The following PDE1C variants were observed in gnomAD, a reference collection of about 807,000 sequenced individuals.
PDE1C encodes phosphodiesterase 1C.
A neutral mutation model predicts 93.1 loss-of-function variants in PDE1C; 62 were observed. The ratio of observed to expected loss-of-function variants is 0.67; its 90% CI spans 0.54 to 0.82. PDE1C has a LOEUF of 0.82. PDE1C is among the 40% of genes least tolerant of loss of function. The probability of loss-of-function intolerance (pLI) is 0.00; values close to 1 mark genes in which losing one functional copy is unlikely to be tolerated. For missense variants in PDE1C, 742 were observed against 884.6 expected (o/e 0.84, Z 2.04); for synonymous variants, 325 against 310.1 (o/e 1.05, Z -0.50).
At chr7:32,195,174 G>A (rs562189514) in intron 2 of PDE1C, among the ~76,000 whole-genome samples, 2 of 152,258 alleles carry the variant, frequency 1.3e-5, no homozygotes, top group Non-Finnish European at 2.9e-5. Flanking sequence ...AACTCAAGAG[G>A]AGAAGGAAAC....
At chr7:31,643,156 T>C in the PDE1C span, 8 of 1,613,580 alleles carry the variant, frequency 5.0e-6, no homozygotes, top group Non-Finnish European at 6.8e-6. Flanking sequence ...CCACAATGAG[T>C]CTCAAAGGTC....
chr7:31,777,071 A>G (rs1369264469), intron 16 of PDE1C, among the ~76,000 whole-genome samples: 1 of 151,922 alleles, frequency 6.6e-6, no homozygotes, highest in Non-Finnish European at 1.5e-5. Context: ...TAGCACACCA[A>G]CATGGCACAT....
chr7:32,061,874 A>T (rs73098654), intron 1 of PDE1C, among the ~76,000 whole-genome samples: 3,421 of 152,316 alleles, frequency 0.022, 58 homozygotes, highest in Middle Eastern at 0.031. Flanking sequence ...ACCTTCCTTC[A>T]GACTATTTAG....
At chr7:32,240,451 TC>T (rs1348242768) in intron 1 of PDE1C, among the ~76,000 whole-genome samples, 9 of 152,154 alleles carry the variant, frequency 5.9e-5, no homozygotes, top group African/African-American at 1.9e-4. Context: ...ATTTAATATG[TC>T]AGATGGTGTT....
At chr7:32,125,739 G>A (rs1584810108) in intron 3 of PDE1C, among the ~76,000 whole-genome samples, 1 of 151,820 alleles carries the variant, frequency 6.6e-6, no homozygotes. Flanking sequence ...GCGAGGGGAG[G>A]GAACTTAGAG....
At chr7:31,766,751 C>T (rs1229144497) in intron 17 of PDE1C, among the ~76,000 whole-genome samples, 7 of 152,154 alleles carry the variant, frequency 4.6e-5, no homozygotes, top group Non-Finnish European at 7.3e-5. Context: ...TTTACTTGCT[C>T]GACATTATGC....
At chr7:32,398,292 G>C (rs1309363914) in intron 1 of PDE1C, among the ~76,000 whole-genome samples, 1 of 120,570 alleles carries the variant, frequency 8.3e-6, no homozygotes, top group African/African-American at 3.2e-5. Flanking sequence ...GACAGGGCGA[G>C]ACTCCGTCTC....
At chr7:31,956,574 A>G (rs957837801) in intron 2 of PDE1C, among the ~76,000 whole-genome samples, 47 of 151,984 alleles carry the variant, frequency 3.1e-4, no homozygotes, top group African/African-American at 1.1e-3. Flanking sequence ...CAGTAAGAAA[A>G]AAGCCTTCTT....
intron 7 of PDE1C, 114 bp from the exon 8 acceptor site, chr7:31,850,855 C>A: frequency 1.4e-6 from 1 of 734,900 alleles, no homozygotes; most frequent in Non-Finnish European, 2.5e-6. Flanking sequence ...AAGCTATTGC[C>A]AAACACAAGT....
At chr7:32,070,190 A>T in intron 1 of PDE1C, 103 bp downstream of exon 1, 1 of 1,561,054 alleles carries the variant, frequency 6.4e-7, no homozygotes, top group Non-Finnish European at 8.7e-7. Context: ...GTTGTATTTA[A>T]AGGCCCATGC....
chr7:32,406,659 G>A (rs1377999685), intron 1 of PDE1C, among the ~76,000 whole-genome samples: 1 of 152,156 alleles, frequency 6.6e-6, no homozygotes, highest in African/African-American at 2.4e-5. Flanking sequence ...TTTTGGGACT[G>A]TGGGCTGCTC....
intron 2 of PDE1C, among the ~76,000 whole-genome samples, chr7:32,174,909 TTAAATATA>T (rs968014155): frequency 6.6e-6 from 1 of 152,100 alleles, no homozygotes; most frequent in African/African-American, 2.4e-5. Flanking sequence ...TAACTAATAT[TTAAATATA>T]TATAGATGTG....
At chr7:31,645,647 G>A in the PDE1C span, among the ~76,000 whole-genome samples, 1 of 151,980 alleles carries the variant, frequency 6.6e-6, no homozygotes, top group Non-Finnish European at 1.5e-5. Flanking sequence ...TTTGTTGAGG[G>A]GATTTTAAAT....
intron 16 of PDE1C, among the ~76,000 whole-genome samples, chr7:31,795,790 A>G (rs1785209531): frequency 6.6e-6 from 1 of 151,658 alleles, no homozygotes; most frequent in Non-Finnish European, 1.5e-5. Flanking sequence ...TATAATCCAC[A>G]TATTATGGAT....
At chr7:31,985,143 C>A (rs200136100) in intron 2 of PDE1C, among the ~76,000 whole-genome samples, 1 of 152,132 alleles carries the variant, frequency 6.6e-6, no homozygotes, top group Non-Finnish European at 1.5e-5. Flanking sequence ...TATCAGCGCA[C>A]GGACAAGGGC....
chr7:31,747,506 C>T (rs534742757), downstream of PDE1C, among the ~76,000 whole-genome samples: 14 of 152,224 alleles, frequency 9.2e-5, no homozygotes, highest in African/African-American at 3.1e-4. Context: ...TTGTAATCAC[C>T]TGATGAGTTC....
chr7:32,121,386 C>T (rs1001326319), intron 3 of PDE1C, among the ~76,000 whole-genome samples: 3 of 151,950 alleles, frequency 2.0e-5, no homozygotes, highest in African/African-American at 7.3e-5. Flanking sequence ...GAGACACCAC[C>T]AAGATACTCC....
chr7:32,296,561 C>T lies in PDE1C; in HGVS notation c.85+2090G>A, dbSNP rs371280155. ...AGTTGGCAGCTATCTCACTTGGAAG[C>T]GACCAGCTCATTTTTAGAGTCTCTT... is the stretch of plus-strand genomic sequence containing the variant. On this transcript the variant is annotated intron_variant, in intron 1 of 18. Transcript: ENST00000396193. Among the ~76,000 whole-genome samples the T allele has an allele frequency of 1.2e-3, 189 of 152,304 alleles. 3 individuals are homozygous for T. The highest frequency in any genetic ancestry group is 4.4e-3 in the African/African-American group (184 of 41,552).
chr7:31,652,415 A>G, the PDE1C span: 2 of 1,461,362 alleles, frequency 1.4e-6, no homozygotes, highest in Non-Finnish European at 1.8e-6. Flanking sequence ...AGCCCATTCT[A>G]GAGAATCGAC....
Sources: allele counts gnomAD v4.1 joint callset (sites outside exome capture counted in the v4.1 genomes callset), GRCh38; gene constraint gnomAD v4.1.1; transcripts MANE v1.5; gene names NCBI Gene and HGNC (gene_info 2026-07-23, HGNC 2026-07-21).